The following F13A1 variants were observed in gnomAD, a reference collection of about 807,000 sequenced individuals.
F13A1 encodes the protein coagulation factor XIII A chain, also known as FSF, A subunit.
In F13A1, 47 loss-of-function variants were observed where a neutral mutation model predicts 80.1. The ratio of observed to expected loss-of-function variants is 0.59; its 90% CI spans 0.46 to 0.75. The LOEUF (loss-of-function observed/expected upper bound fraction) is 0.75, where lower values mean the gene tolerates loss of function less well. Ranked by LOEUF, F13A1 falls within the 30% of genes least tolerant of loss-of-function variation. The probability of loss-of-function intolerance (pLI) is 0.00; values close to 1 mark genes in which losing one functional copy is unlikely to be tolerated. For synonymous variants in F13A1, 349 were observed against 344.9 expected (o/e 1.01, Z -0.13); for missense variants, 817 against 930.4 (o/e 0.88, Z 1.59).
At chr6:6,312,682 C>G (rs945462904) in intron 2 of F13A1, among the ~76,000 whole-genome samples, 5 of 149,286 alleles carry the variant, frequency 3.3e-5, no homozygotes, top group African/African-American at 7.5e-5. Flanking sequence ...CGTCTCAAAA[C>G]AAAAACAAAA....
At chr6:6,272,513 G>T (rs1026256918) in intron 3 of F13A1, among the ~76,000 whole-genome samples, 3 of 152,072 alleles carry the variant, frequency 2.0e-5, no homozygotes, top group African/African-American at 7.2e-5. Context: ...TCCTCTTTTG[G>T]GCATGTCATC....
At chr6:6,197,082 C>T (rs1322788711) in intron 9 of F13A1, 141 bp downstream of exon 9, 3 of 734,242 alleles carry the variant, frequency 4.1e-6, no homozygotes, top group Non-Finnish European at 7.3e-6. Flanking sequence ...TGGAAGGTAG[C>T]TAATACTGTA....
At chr6:6,300,831 T>A (rs1034308460) in intron 3 of F13A1, among the ~76,000 whole-genome samples, 13 of 151,638 alleles carry the variant, frequency 8.6e-5, no homozygotes, top group Non-Finnish European at 1.5e-4. Context: ...TTTTTTTTTT[T>A]AATTTATGTT....
intron 14 of F13A1, among the ~76,000 whole-genome samples, chr6:6,150,850 A>T (rs936191575): frequency 1.9e-4 from 29 of 151,462 alleles, no homozygotes; most frequent in South Asian, 1.5e-3. Flanking sequence ...AATGTGTGGG[A>T]GAGAGAGAGA....
chr6:6,283,952 G>A (rs1184916198), intron 3 of F13A1, among the ~76,000 whole-genome samples: 1 of 152,216 alleles, frequency 6.6e-6, no homozygotes, highest in East Asian at 1.9e-4. Context: ...AATAAATCCA[G>A]AGGCTGGAGA....
At chr6:6,237,773 A>C (rs1019023475) in intron 6 of F13A1, among the ~76,000 whole-genome samples, 2 of 152,204 alleles carry the variant, frequency 1.3e-5, no homozygotes, top group Non-Finnish European at 2.9e-5. Flanking sequence ...AGAAGGAAGG[A>C]AGGCACTATG....
At chr6:6,233,491 G>A (rs1048454788) in intron 6 of F13A1, among the ~76,000 whole-genome samples, 7 of 152,026 alleles carry the variant, frequency 4.6e-5, no homozygotes, top group African/African-American at 9.7e-5. Flanking sequence ...AGGAACAGAC[G>A]GATTCACAGG....
intron 13 of F13A1, among the ~76,000 whole-genome samples, chr6:6,157,916 T>C (rs381061): frequency 0.73 from 111,742 of 152,120 alleles, 41,810 homozygotes; most frequent in African/African-American, 0.88. Flanking sequence ...CTAAAATGTG[T>C]ACTGTTCTGT....
At chr6:6,217,533 T>TG (rs1359860953) in intron 8 of F13A1, among the ~76,000 whole-genome samples, 1 of 74,554 alleles carries the variant, frequency 1.3e-5, no homozygotes, top group African/African-American at 5.4e-5. Flanking sequence ...TGTTGTGGGG[T>TG]GGGGGGAGGG....
chr6:6,197,679 A>C (rs1290493818), intron 8 of F13A1, among the ~76,000 whole-genome samples: 1 of 101,430 alleles, frequency 9.9e-6, no homozygotes, highest in Non-Finnish European at 2.2e-5. Flanking sequence ...TCCATCTCAA[A>C]AAAAAAAAAA....
intron 8 of F13A1, among the ~76,000 whole-genome samples, chr6:6,202,192 T>TG (rs1347271611): frequency 1.3e-5 from 2 of 150,876 alleles, no homozygotes; most frequent in African/African-American, 5.0e-5. Context: ...TCTCAAACAC[T>TG]TATTCCTTCC....
intron 3 of F13A1, among the ~76,000 whole-genome samples, chr6:6,285,005 C>T (rs1758116265): frequency 6.6e-6 from 1 of 152,206 alleles, no homozygotes; most frequent in African/African-American, 2.4e-5. Context: ...ACTCCAACTA[C>T]AGTAAGCTCT....
At chr6:6,150,331 G>A (rs755413456) in intron 14 of F13A1, among the ~76,000 whole-genome samples, 24 of 152,300 alleles carry the variant, frequency 1.6e-4, no homozygotes, top group Non-Finnish European at 2.6e-4. Context: ...ACCTCTCTAT[G>A]TAGCTGGGGT....
At chr6:6,190,880 C>T (rs112359576) in intron 10 of F13A1, among the ~76,000 whole-genome samples, 4,251 of 150,664 alleles carry the variant, frequency 0.028, 188 homozygotes, top group African/African-American at 0.097. Context: ...AGCGAGACTC[C>T]GTGGGCGTAG....
intron 12 of F13A1, among the ~76,000 whole-genome samples, chr6:6,169,690 G>A (rs750086004): frequency 1.9e-4 from 29 of 152,146 alleles, no homozygotes; most frequent in Admixed American, 8.5e-4. Context: ...GGTTACTACT[G>A]GAATCTGGTG....
intron 12 of F13A1, among the ~76,000 whole-genome samples, chr6:6,169,680 G>C (rs1760738397): frequency 1.3e-5 from 2 of 152,136 alleles, no homozygotes; most frequent in South Asian, 4.1e-4. Flanking sequence ...GTGGAGGGTG[G>C]GTTACTACTG....
intron 11 of F13A1, among the ~76,000 whole-genome samples, chr6:6,177,688 C>T (rs560160617): frequency 4.1e-4 from 62 of 152,296 alleles, no homozygotes; most frequent in African/African-American, 1.5e-3. Context: ...TTCCAAACAC[C>T]GTGCTAGGCA....
intron 10 of F13A1, among the ~76,000 whole-genome samples, chr6:6,184,188 G>A (rs1390909635): frequency 6.6e-6 from 1 of 152,194 alleles, no homozygotes; most frequent in African/African-American, 2.4e-5. Flanking sequence ...GGTATATATT[G>A]TAACCGTATT....
In F13A1 at chr6:6,218,789, G is replaced by A. The variant is rs551705255; in HGVS notation, c.1112+3244C>T. On this transcript the variant is annotated intron_variant, in intron 8 of 14. Coordinates refer to ENST00000264870, the MANE Select transcript of F13A1 (RefSeq NM_000129.4). ...GTCCTTGATGGTCTGCAGTAGTAAG[G>A]CGAGAAGGGTCACAGCAAGAGACAG... 2.5e-4 allele frequency among the ~76,000 whole-genome samples: 38 copies of A among 152,334 alleles called. No individual in the cohort carries two copies. In the South Asian group the frequency reaches 7.0e-3, roughly 28 times the overall value.
Sources: gnomAD v4.1 joint callset for allele counts (sites outside exome capture counted in the v4.1 genomes callset) on GRCh38, gnomAD v4.1.1 for gene constraint, MANE v1.5 for transcripts, NCBI Gene and HGNC (gene_info 2026-07-23, HGNC 2026-07-21) for gene names.